KAZN: variants seen among roughly 807,000 people sequenced by gnomAD.
KAZN encodes kazrin.
Under a neutral mutation model 87.4 loss-of-function variants are expected in KAZN, and 40 were observed. The observed-to-expected ratio is 0.46, with a 90% confidence interval of 0.36 to 0.60. The LOEUF (loss-of-function observed/expected upper bound fraction) is 0.60. Ranked by LOEUF, KAZN falls within the 20% of genes least tolerant of loss-of-function variation. The probability of loss-of-function intolerance (pLI) is 0.00; values close to 1 mark genes in which losing one functional copy is unlikely to be tolerated. For synonymous variants in KAZN, 466 were observed against 458.3 expected (o/e 1.02, Z -0.22); for missense variants, 898 against 1,073.9 (o/e 0.84, Z 2.29).
Position 14,976,584 on chromosome 1 carries a change from G to A in KAZN, c.418+15709G>A, listed in dbSNP as rs148869659. Among the ~76,000 whole-genome samples the A allele has an allele frequency of 3.9e-3, 588 of 152,308 alleles. 1 individual carries two copies. The highest frequency in any genetic ancestry group is 0.013 in the African/African-American group (546 of 41,564). ...GGGTTCCAGCAGAAATGCGTGAGCC[G>A]GATGAGCCCACGCTGCCCAGCCCCA... is the stretch of plus-strand genomic sequence containing the variant. On this transcript the variant is annotated intron_variant, in intron 2 of 14. Coordinates refer to ENST00000376030, the MANE Select transcript of KAZN (RefSeq NM_201628.3).
At chr1:14,983,013 G>A (rs7529051) in intron 2 of KAZN, among the ~76,000 whole-genome samples, 48,070 of 152,114 alleles carry the variant, frequency 0.32, 7,814 homozygotes, top group Middle Eastern at 0.36. Flanking sequence ...CGCAGCAGAC[G>A]CCCTGCAGCT....
chr1:14,395,166 TAAAAGAAAA>T (rs200131361), intron 2 of KAZN, among the ~76,000 whole-genome samples: 4,002 of 148,628 alleles, frequency 0.027, 89 homozygotes, highest in South Asian at 0.098. Context: ...AAAGAGGGAG[TAAAAGAAAA>T]GGAAGAAAAG....
chr1:15,100,062 A>T (rs1640988143), intron 10 of KAZN, among the ~76,000 whole-genome samples: 1 of 152,104 alleles, frequency 6.6e-6, no homozygotes, highest in Non-Finnish European at 1.5e-5. Flanking sequence ...AGGCTGAGAG[A>T]GGAAAGAGGA....
rs1408694805 is a variant in KAZN, at chr1:14,155,103, T to C, written c.92-25332T>C. Among the ~76,000 whole-genome samples, 7 of 152,202 alleles carry C rather than the reference T, an allele frequency of 4.6e-5. No homozygotes were observed. In the East Asian group the frequency reaches 1.4e-3, roughly 29 times the overall value. ...CTCTAGGTTTTTCGAATAGTTGGAGTATGATTGCTATTAATTCTTTAAATG... is the reference window on the plus strand; with the variant it reads ...CTCTAGGTTTTTCGAATAGTTGGAGCATGATTGCTATTAATTCTTTAAATG... On this transcript the variant is annotated intron_variant, in intron 1 of 16. Coordinates refer to the KAZN transcript ENST00000636203.
chr1:14,040,793 TTAAATTAAAA>T (rs1310835440), intron 1 of KAZN, among the ~76,000 whole-genome samples: 2 of 108,240 alleles, frequency 1.8e-5, no homozygotes, highest in African/African-American at 2.9e-5. Flanking sequence ...TAAAATTAAA[TTAAATTAAAA>T]TAAAATAAAA....
At position 14,880,456 on chromosome 1, in the gene KAZN, T is replaced by C. The variant is rs116068845; in HGVS notation, c.227-80228T>C. The stretch of plus-strand genomic sequence containing the variant: ...CTACCCCAAACTGAGTATAAAACAC[T>C]AATTTGAACATGCTCATGGGTTTTG... On this transcript the variant is annotated intron_variant, in intron 1 of 14. Coordinates refer to ENST00000376030, the MANE Select transcript of KAZN (RefSeq NM_201628.3). 4.2e-3 allele frequency among the ~76,000 whole-genome samples: 633 copies of C among 152,290 alleles called. 4 individuals are homozygous for C. Among genetic ancestry groups the C allele is most frequent in the African/African-American group, 0.014 (601 of 41,562 alleles).
At chr1:14,012,107 C>G (rs1640341463) in intron 1 of KAZN, among the ~76,000 whole-genome samples, 1 of 152,156 alleles carries the variant, frequency 6.6e-6, no homozygotes, top group Middle Eastern at 3.4e-3. Flanking sequence ...AGTGAGAGAC[C>G]TGACTGTAGG....
chr1:14,934,665 C>T (rs1292909550), intron 1 of KAZN, among the ~76,000 whole-genome samples: 2 of 152,240 alleles, frequency 1.3e-5, no homozygotes, highest in Non-Finnish European at 2.9e-5. Flanking sequence ...GGACAGGCTG[C>T]CCTGGGAGGC....
intron 3 of KAZN, among the ~76,000 whole-genome samples, chr1:15,038,060 T>C (rs1672516717): frequency 2.0e-5 from 3 of 152,124 alleles, no homozygotes; most frequent in African/African-American, 7.2e-5. Context: ...AAGACCAGCC[T>C]GGACAACAGA....
intron 4 of KAZN, among the ~76,000 whole-genome samples, chr1:15,051,977 G>A (rs1247002668): frequency 2.6e-5 from 4 of 152,164 alleles, no homozygotes; most frequent in Non-Finnish European, 5.9e-5. Context: ...GGAGCTTGAC[G>A]TTCCAAGTTC....
chr1:14,400,483 G>C (rs1403682645), intron 2 of KAZN, among the ~76,000 whole-genome samples: 8 of 152,140 alleles, frequency 5.3e-5, no homozygotes, highest in Non-Finnish European at 8.8e-5. Flanking sequence ...TCACAGAACT[G>C]GTAGCAGATC....
chr1:14,831,993 G>A (rs1471573986), intron 1 of KAZN, among the ~76,000 whole-genome samples: 1 of 152,020 alleles, frequency 6.6e-6, no homozygotes, highest in East Asian at 1.9e-4. Flanking sequence ...TCAGGAGTTC[G>A]AGACCAGCCT....
intron 1 of KAZN, among the ~76,000 whole-genome samples, chr1:14,665,847 A>G (rs1184000819): frequency 1.3e-5 from 2 of 150,784 alleles, no homozygotes; most frequent in Non-Finnish European, 2.9e-5. Context: ...GCCCCTCCCC[A>G]CTAAAGGCTG....
Position 14,796,897 on chromosome 1 carries a change from TG to T in KAZN, c.227-163785del, listed in dbSNP as rs567113987. On this transcript the variant is annotated intron_variant, in intron 1 of 14. Transcript: ENST00000376030. ...AGAAGGAAGACCTGAGTCCACTCAG[TG>T]GTGAGGGCAGCTCCCAGGTACCCCA... Among the ~76,000 whole-genome samples the T allele has an allele frequency of 4.8e-4, 73 of 152,248 alleles. No individual in the cohort carries two copies. In the East Asian group the frequency reaches 0.011, roughly 23 times the overall value.
rs190655911 is a variant in KAZN, at chr1:13,916,491, C to T, written c.91+22735C>T. On this transcript the variant is annotated intron_variant, in intron 1 of 16. Coordinates refer to the KAZN transcript ENST00000636203. ...AGACTGCTCTATTAATGTTCATTTT[C>T]CCTACCCATTCAGCATCCCTACGTG... Among the ~76,000 whole-genome samples the T allele has an allele frequency of 4.0e-3, 614 of 152,248 alleles. 6 individuals carry two copies. The highest frequency in any genetic ancestry group is 0.014 in the African/African-American group (591 of 41,550).
intron 2 of KAZN, among the ~76,000 whole-genome samples, chr1:14,544,513 A>G (rs1571901084): frequency 6.6e-6 from 1 of 152,000 alleles, no homozygotes; most frequent in South Asian, 2.1e-4. Flanking sequence ...ATGAAATTCA[A>G]AAGTGCTAAT....
chr1:15,028,842 G>C (rs1388416442), intron 2 of KAZN, among the ~76,000 whole-genome samples: 2 of 152,210 alleles, frequency 1.3e-5, no homozygotes, highest in Non-Finnish European at 2.9e-5. Flanking sequence ...GTAGCAGCAT[G>C]ACTCACAGCC....
chr1:14,752,243 A>G (rs906183023), intron 1 of KAZN, among the ~76,000 whole-genome samples: 1 of 152,190 alleles, frequency 6.6e-6, no homozygotes, highest in African/African-American at 2.4e-5. Context: ...CAACTTTAAC[A>G]TGAGGTTCAG....
chr1:14,840,370 C>T (rs941356710), intron 1 of KAZN, among the ~76,000 whole-genome samples: 4 of 152,200 alleles, frequency 2.6e-5, no homozygotes, highest in African/African-American at 9.6e-5. Flanking sequence ...CCTTTTTGAG[C>T]ATTTGGGTGC....
Sources: allele counts gnomAD v4.1 joint callset (sites outside exome capture counted in the v4.1 genomes callset), GRCh38; gene constraint gnomAD v4.1.1; transcripts MANE v1.5; gene names NCBI Gene and HGNC (gene_info 2026-07-23, HGNC 2026-07-21).